C2: variants seen among roughly 807,000 people sequenced by gnomAD.
C2 encodes complement C2, also known as C3/C5 convertase.
C2 carries 64 observed loss-of-function variants against 85.2 expected under a neutral mutation model. The observed-to-expected ratio is 0.75, with a 90% CI of 0.61 to 0.92. C2 has a LOEUF of 0.92. Ranked by LOEUF, C2 falls within the 40% of genes least tolerant of loss-of-function variation. The pLI is 0.00. For missense variants in C2, 820 were observed against 971.6 expected (o/e 0.84, Z 2.07); for synonymous variants, 311 against 370.8 (o/e 0.84, Z 1.85).
chr6:31,924,146 G>A (rs1384226440), upstream of C2, among the ~76,000 whole-genome samples: 1 of 152,162 alleles, frequency 6.6e-6, no homozygotes, highest in African/African-American at 2.4e-5. Context: ...TCTTATTTAA[G>A]TTACTGTATT....
Position 31,945,373 on chromosome 6 carries a change from C to T in C2, c.*16C>T, listed in dbSNP as rs1213106518. 6.2e-7 allele frequency: 1 copy of T among 1,611,324 alleles called. No homozygotes were observed. Among genetic ancestry groups the T allele is most frequent in the Non-Finnish European group, 8.5e-7 (1 of 1,178,926 alleles). ...ACCCCTCTAGCCATGGCCACTGAGC[C>T]CTCTGCTGCCCTGCCAGAATCTGCC... On this transcript the variant is annotated 3_prime_UTR_variant, in exon 18 of 18. Transcript: ENST00000299367. This position sits in a 1 kb window ranked among gnomAD's most constrained non-coding sequence, Gnocchi z 5.3.
chr6:31,915,368 G>T (rs1768435269), upstream of C2, among the ~76,000 whole-genome samples: 1 of 152,052 alleles, frequency 6.6e-6, no homozygotes, highest in South Asian at 2.1e-4. Flanking sequence ...CTGGATGCTT[G>T]CATCTCTTCC....
At chr6:31,897,987 G>C, upstream of C2, 3 of 877,820 alleles carry the variant, frequency 3.4e-6, no homozygotes, top group Non-Finnish European at 4.2e-6. Flanking sequence ...GGCAGCGGCT[G>C]TATTTCCTCT....
Position 31,904,643 on chromosome 6 carries a change from A to G in C2, c.73+3504A>G, listed in dbSNP as rs1767599585. ...AGAACTTTAAAAATTCTGTTTTTCT[A>G]TCTCATCTCTTCTTTTCCGCATTGC... On this transcript the variant is annotated intron_variant, in intron 1 of 3. Coordinates refer to the C2 transcript ENST00000452202. This position sits in a 1 kb window ranked among gnomAD's most constrained non-coding sequence, Gnocchi z 4.4. 6.6e-6 allele frequency among the ~76,000 whole-genome samples: 1 copy of G among 152,124 alleles called. No individual in the cohort carries two copies. Among genetic ancestry groups the G allele is most frequent in the Non-Finnish European group, 1.5e-5 (1 of 68,038 alleles).
rs9332723 is a variant in C2 at position 31,939,562 on chromosome 6, A to G, written c.1219+242A>G. Among the ~76,000 whole-genome samples, 371 of 133,744 alleles carry G rather than the reference A, an allele frequency of 2.8e-3. 1 individual carries two copies. The highest frequency in any genetic ancestry group is 8.1e-3 in the African/African-American group (281 of 34,842). The allele number at this position is 133,744 out of a possible 152,430, so 87.7% of individuals were successfully genotyped here. On this transcript the variant is annotated intron_variant, in intron 9 of 17. Transcript: ENST00000299367. ...AGTGTCTCACTGACACTCAGAGTAT[A>G]TTCCTGGAAAGATGTCCACCCATGC...
Position 31,935,128 on chromosome 6 carries a change from A to G in C2, c.850-795A>G. On this transcript the variant is annotated intron_variant, in intron 6 of 17. Coordinates refer to ENST00000299367, the MANE Select transcript of C2 (RefSeq NM_000063.6). This position sits in a 1 kb window ranked among gnomAD's most constrained non-coding sequence, Gnocchi z 4.3. ...GTAATTGTGCTTTTCACAATACTTC[A>G]TGTAACATTATAGATGGTTTTCCCT... The G allele has an allele frequency of 2.1e-6, 2 of 945,538 alleles. No homozygotes were observed. Among genetic ancestry groups the G allele is most frequent in the Non-Finnish European group, 2.5e-6 (2 of 793,514 alleles). 58.6% of individuals were successfully genotyped at this position (945,538 alleles called of 1,614,324 possible).
rs1490878357 is a variant in C2 at position 31,937,351 on chromosome 6, G to C, written c.1021G>C (p.Ala341Pro). Reference sequence around the variant, plus strand: ...AAATGGAACTGGGACTAACACCTATGCGGCCTTAAACAGTGTCTATCTCAT... The same window carrying C: ...AAATGGAACTGGGACTAACACCTATCCGGCCTTAAACAGTGTCTATCTCAT... ...HENGTGTNTY[A>P]ALNSVYLMMN... The change falls in exon 8 of 18, where the codon GCG (alanine) becomes CCG (proline). Residue 341 changes from alanine to proline, a missense_variant. Coordinates refer to ENST00000299367, the MANE Select transcript of C2 (RefSeq NM_000063.6). 3 of 1,612,786 alleles carry C rather than the reference G, an allele frequency of 1.9e-6. No individual in the cohort carries two copies. In the Admixed American group the frequency reaches 5.0e-5, roughly 27 times the overall value.
rs755381914 is a variant in C2, at chr6:31,943,209, A to G, written c.1361-16A>G. 2 of 1,612,602 alleles carry G rather than the reference A, an allele frequency of 1.2e-6. No individual in the cohort carries two copies. Among genetic ancestry groups the G allele is most frequent in the Non-Finnish European group, 1.7e-6 (2 of 1,179,722 alleles). ...CCTCACTTGCCTCCTTCCCCATCTG[A>G]TCCTCACACCCACAGATGTCTCCAA... On this transcript the variant is annotated splice_polypyrimidine_tract_variant and intron_variant, in intron 10 of 17. Coordinates refer to ENST00000299367, the MANE Select transcript of C2 (RefSeq NM_000063.6). This position sits in a 1 kb window ranked among gnomAD's most constrained non-coding sequence, Gnocchi z 6.4.
At chr6:31,907,789 T>C (rs1183488038) in intron 1 of C2, among the ~76,000 whole-genome samples, 2 of 145,006 alleles carry the variant, frequency 1.4e-5, no homozygotes, top group African/African-American at 5.1e-5. Flanking sequence ...GTGATTCTCC[T>C]GCCTCAGCCT....
intron 1 of C2, among the ~76,000 whole-genome samples, chr6:31,911,770 C>T (rs1036594835): frequency 6.6e-6 from 1 of 151,860 alleles, no homozygotes; most frequent in Admixed American, 6.6e-5. Context: ...GCTGGGACTA[C>T]AGGCACATGC....
intron 1 of C2, among the ~76,000 whole-genome samples, chr6:31,913,557 GTCTGGGCAAC>G (rs1322750858): frequency 6.6e-6 from 1 of 152,180 alleles, no homozygotes; most frequent in Non-Finnish European, 1.5e-5. Context: ...GTCTGGGCAA[GTCTGGGCAAC>G]AAAAGCGAAA....
Position 31,944,922 on chromosome 6 carries a change from C to A in C2, c.2030-58C>A. On this transcript the variant is annotated intron_variant, in intron 16 of 17. Transcript: ENST00000299367. This position sits in a 1 kb window ranked among gnomAD's most constrained non-coding sequence, Gnocchi z 5.1. ...TGTGTCTCTGTGGCCAGCATGCATG[C>A]CAGAACACCAGTCCACTGCCCTAGA... 1 of 1,612,564 alleles carries A rather than the reference C, an allele frequency of 6.2e-7. No homozygotes were observed. Among genetic ancestry groups the A allele is most frequent in the South Asian group, 1.1e-5 (1 of 91,070 alleles).
chr6:31,937,455 A>T lies in C2; in HGVS notation c.1125A>T (p.Thr375=). The T allele has an allele frequency of 6.2e-7, 1 of 1,612,842 alleles. No individual in the cohort carries two copies. Among genetic ancestry groups the T allele is most frequent in the South Asian group, 1.1e-5 (1 of 91,072 alleles). Residue 375 remains threonine, a synonymous_variant, in exon 8 of 18, where the codon ACA becomes ACT. Transcript: ENST00000299367. ...TCCGACATGCCATCATCCTTCTGAC[A>T]GATGGTGGGTATCATGGTCTCTGAG... ...QEIRHAIILL[T]DGKSNMGGSP...
At chr6:31,900,404 G>T, upstream of C2, 1 of 1,546,244 alleles carries the variant, frequency 6.5e-7, no homozygotes, top group South Asian at 1.2e-5. This position sits in a 1 kb window ranked among gnomAD's most constrained non-coding sequence, Gnocchi z 9.7. Context: ...GGCAGCCATG[G>T]CCACCGCTGC....
intron 3 of C2, among the ~76,000 whole-genome samples, chr6:31,931,821 C>T (rs7767526): frequency 0.12 from 18,067 of 151,802 alleles, 1,307 homozygotes; most frequent in African/African-American, 0.19. Flanking sequence ...AGGGGCTCCT[C>T]ACTTTCCAGT....
chr6:31,915,645 T>G (rs1768452312), upstream of C2, among the ~76,000 whole-genome samples: 1 of 152,224 alleles, frequency 6.6e-6, no homozygotes, highest in South Asian at 2.1e-4. Context: ...ATCATCATAG[T>G]CACTCAGGCA....
chr6:31,901,417 C>A (rs1767255985), intron 1 of C2: 1 of 1,198,416 alleles, frequency 8.3e-7, no homozygotes, highest in Non-Finnish European at 1.1e-6. Flanking sequence ...GCCCAGCCCC[C>A]CGGCATCCGA....
At position 31,945,399 on chromosome 6, in the gene C2, G is replaced by A. The variant is rs780284051; in HGVS notation, c.*42G>A. 27 of 1,583,862 alleles carry A rather than the reference G, an allele frequency of 1.7e-5. No individual in the cohort carries two copies. Among genetic ancestry groups the A allele is most frequent in the Admixed American group, 5.0e-5 (3 of 59,960 alleles). The stretch of plus-strand genomic sequence containing the variant: ...CTCTGCTGCCCTGCCAGAATCTGCC[G>A]CCCCTCCATCTTCTACCTCTGAATG... On this transcript the variant is annotated 3_prime_UTR_variant, in exon 18 of 18. Transcript: ENST00000299367. This position sits in a 1 kb window ranked among gnomAD's most constrained non-coding sequence, Gnocchi z 5.3.
Position 31,932,976 on chromosome 6 carries a change from C to T in C2, c.443-634C>T, listed in dbSNP as rs552506633. On this transcript the variant is annotated intron_variant, in intron 3 of 17. Transcript: ENST00000299367. ...TAACAAAATACGAAAACCAGTCAGGCGTGGCGGCGCGCGCCTGCAATCGCA... is the reference window on the plus strand; with the variant it reads ...TAACAAAATACGAAAACCAGTCAGGTGTGGCGGCGCGCGCCTGCAATCGCA... Among the ~76,000 whole-genome samples, 18 of 152,324 alleles carry T rather than the reference C, an allele frequency of 1.2e-4. No individual in the cohort carries two copies. In the East Asian group the frequency reaches 3.5e-3, roughly 29 times the overall value.
Sources: allele counts gnomAD v4.1 joint callset (sites outside exome capture counted in the v4.1 genomes callset), GRCh38; gene constraint gnomAD v4.1.1; non-coding constraint Gnocchi (gnomAD v3.1); transcripts MANE v1.5; gene names NCBI Gene and HGNC (gene_info 2026-07-23, HGNC 2026-07-21).